The following FAM9C variants were observed in gnomAD, a reference collection of about 807,000 sequenced individuals.
FAM9C encodes protein FAM9C.
A neutral mutation model predicts 14.8 loss-of-function variants in FAM9C; 15 were observed. That is an observed-to-expected ratio of 1.02 (90% CI 0.68 to 1.56). FAM9C has a LOEUF of 1.56. Among genes scored for constraint, FAM9C ranks in the 40% most tolerant of loss-of-function variants. FAM9C has a pLI of 0.00. For missense variants in FAM9C, 116 were observed against 118.0 expected (o/e 0.98, Z 0.08); for synonymous variants, 45 against 37.5 (o/e 1.20, Z -0.74).
intron 7 of FAM9C, 46 bp downstream of exon 7, chrX:13,038,370 G>A (rs753667930): frequency 2.1e-6 from 2 of 968,589 alleles, no homozygotes; most frequent in South Asian, 2.7e-5. Flanking sequence ...TTTTATGCAT[G>A]TGTTGTATTT....
At chrX:13,043,364 A>C in intron 2 of FAM9C, 116 bp from the exon 3 acceptor site, 1 of 969,974 alleles carries the variant, frequency 1.0e-6, no homozygotes, top group Non-Finnish European at 1.4e-6. Flanking sequence ...TTAAAGCTTT[A>C]CCGCAGAGCT....
At chrX:13,036,816 A>T (rs1602490816) in intron 7 of FAM9C, 1 of 112,417 alleles carries the variant, frequency 8.9e-6, no homozygotes, top group South Asian at 3.7e-4. Flanking sequence ...TAAAAAAAAT[A>T]ATACAAAACT....
chrX:13,039,658 C>T (rs192564350), intron 6 of FAM9C, 150 bp downstream of exon 6: 15 of 924,628 alleles, frequency 1.6e-5, no homozygotes, highest in Non-Finnish European at 2.0e-5. Context: ...TGCTGCATGG[C>T]AATTATATTC....
chrX:13,036,546 T>A (rs2147288933), intron 7 of FAM9C: 1 of 111,800 alleles, frequency 8.9e-6, no homozygotes, highest in African/African-American at 3.2e-5. Flanking sequence ...AAATACCATA[T>A]TTTTTCACCA....
At position 13,039,929 on chromosome X, in the gene FAM9C, A is replaced by G; in HGVS notation, c.330-13T>C. 1 of 1,172,213 alleles carries G rather than the reference A, an allele frequency of 8.5e-7. No homozygotes were observed. The highest frequency in any genetic ancestry group is 1.2e-6 in the Non-Finnish European group (1 of 868,589). On this transcript the variant is annotated splice_polypyrimidine_tract_variant and intron_variant, in intron 5 of 7. Transcript: ENST00000380625. ...ATCACGTTTCTGCCTGTAACACATA[A>G]TAAGTAACAAGGTCATACGTCATAG...
intron 7 of FAM9C, 67 bp from the exon 8 acceptor site, chrX:13,036,085 T>G (rs897948169): frequency 1.8e-5 from 2 of 112,554 alleles, no homozygotes; most frequent in African/African-American, 6.4e-5. Context: ...TTCCAGTGCT[T>G]ACATCAATCC....
At chrX:13,044,321 A>ACCCG (rs1555915130) in intron 1 of FAM9C, among the ~76,000 whole-genome samples, 2 of 76,856 alleles carry the variant, frequency 2.6e-5, no homozygotes, top group African/African-American at 1.0e-4. Flanking sequence ...TGACCCCCCG[A>ACCCG]CCCCCCCCCA....
chrX:13,039,503 C>T (rs2043507527), intron 6 of FAM9C, among the ~76,000 whole-genome samples: 1 of 111,738 alleles, frequency 8.9e-6, no homozygotes, highest in Admixed American at 9.5e-5. Flanking sequence ...CCTCTATGCC[C>T]TGTCCAACTC....
At chrX:13,041,905 C>T (rs1012352854) in intron 4 of FAM9C, 1 of 112,044 alleles carries the variant, frequency 8.9e-6, no homozygotes, top group African/African-American at 3.2e-5. Flanking sequence ...CACCATAATA[C>T]AAATTTTTTT....
rs776687707 is a variant in FAM9C at position 13,040,852 on chromosome X, C to G, written c.235G>C (p.Ala79Pro). The change falls in exon 5 of 8, where the codon GCT becomes CCT. Residue 79 changes from alanine (A) to proline (P), a missense_variant. By Grantham distance (27) the Ala-to-Pro change is conservative (BLOSUM62 -1). Transcript: ENST00000380625. ...TTTTCAATCCTTTTTCTCTTTGCAG[C>G]AAGATGCTCTTTAATGTCAGCTAGA... ...DIAADIKEHLAAKRKRIEKIA... is the reference protein window; with the variant it reads ...DIAADIKEHLPAKRKRIEKIA... 29 of 1,178,292 alleles carry G rather than the reference C, an allele frequency of 2.5e-5. No homozygotes were observed. Among genetic ancestry groups the G allele is most frequent in the Non-Finnish European group, 3.3e-5 (29 of 878,393 alleles).
chrX:13,042,650 C>A, intron 4 of FAM9C: 1 of 394,064 alleles, frequency 2.5e-6, no homozygotes, highest in South Asian at 3.9e-5. Flanking sequence ...CTCCAATGTC[C>A]TCTAATATCC....
intron 7 of FAM9C, chrX:13,037,339 T>C (rs1242081175): frequency 5.3e-5 from 6 of 112,428 alleles, no homozygotes; most frequent in Non-Finnish European, 3.8e-5. Context: ...ACTTGCCTCA[T>C]GAAAACTGTA....
intron 1 of FAM9C, among the ~76,000 whole-genome samples, chrX:13,044,097 G>C (rs1293376720): frequency 8.9e-6 from 1 of 112,119 alleles, no homozygotes; most frequent in African/African-American, 3.2e-5. Context: ...GACAGAGCCT[G>C]GCCCTGCCCC....
chrX:13,043,817 C>A lies in FAM9C; in HGVS notation c.-28G>T. The A allele has an allele frequency of 8.3e-7, 1 of 1,205,478 alleles. No homozygotes were observed. The highest frequency in any genetic ancestry group is 1.1e-6 in the Non-Finnish European group (1 of 889,687). On this transcript the variant is annotated 5_prime_UTR_variant, in exon 2 of 8. Coordinates refer to ENST00000380625, the MANE Select transcript of FAM9C (RefSeq NM_174901.6). ...TGCTGCCCTTCCTGCCCACGGGCTCCGTGGCTGACTGGCCTGGGAAGCTAG... is the reference window on the plus strand; with the variant it reads ...TGCTGCCCTTCCTGCCCACGGGCTCAGTGGCTGACTGGCCTGGGAAGCTAG...
chrX:13,042,466 C>T (rs1244151295), intron 4 of FAM9C: 5 of 127,852 alleles, frequency 3.9e-5, no homozygotes, highest in Non-Finnish European at 7.8e-5. Flanking sequence ...CCATCAGGTA[C>T]GATGCTTATA....
intron 4 of FAM9C, chrX:13,041,126 GT>G (rs1340806223): frequency 1.1e-5 from 2 of 181,624 alleles, no homozygotes; most frequent in Non-Finnish European, 2.0e-5. Context: ...ATAATTAAAA[GT>G]TTCTATTTTT....
intron 1 of FAM9C, 110 bp from the exon 2 acceptor site, chrX:13,043,967 G>A: frequency 2.2e-6 from 1 of 457,806 alleles, no homozygotes; most frequent in South Asian, 3.1e-5. Context: ...GGGAGCAGGA[G>A]GGGACGCGGA....
chrX:13,043,320 G>A lies in FAM9C; in HGVS notation c.62-72C>T, dbSNP rs918200803. The A allele has an allele frequency of 8.9e-6, 10 of 1,119,495 alleles. No individual in the cohort carries two copies. The African/African-American group carries it at 1.7e-4, about 19-fold the overall frequency. The allele number at this position is 1,119,495 out of a possible 1,213,427, so 92.3% of individuals were successfully genotyped here. A position where few individuals can be genotyped will look rare whatever the true frequency, so the allele number is the denominator to read the frequency against. Reference sequence around the variant, plus strand: ...TTGTGGACATTTTTCATAGAGAAACGTACTATTTGTAGACTTTTTTGGCTC... The same window carrying A: ...TTGTGGACATTTTTCATAGAGAAACATACTATTTGTAGACTTTTTTGGCTC... On this transcript the variant is annotated intron_variant, in intron 2 of 7. Transcript: ENST00000380625.
rs2043543258 is a variant in FAM9C, at chrX:13,043,233, C to T, written c.77G>A (p.Ser26Asn). 1 of 1,203,337 alleles carries T rather than the reference C, an allele frequency of 8.3e-7. No homozygotes were observed. The highest frequency in any genetic ancestry group is 1.8e-5 in the South Asian group (1 of 54,892). Residue 26 changes from serine to asparagine, a missense_variant, in exon 3 of 8, where the codon AGT (serine) becomes AAT (asparagine). Transcript: ENST00000380625. ...EMELAGKDPV[S>N]HEHEERKPVT... ...AGGTTTTCTTTCCTCATGCTCATGA[C>T]TTACTGGATCCTTTCCTGCATTAAA...
Sources: gnomAD v4.1 joint callset for allele counts (sites outside exome capture counted in the v4.1 genomes callset) on GRCh38, gnomAD v4.1.1 for gene constraint, MANE v1.5 for transcripts, NCBI Gene and HGNC (gene_info 2026-07-23, HGNC 2026-07-21) for gene names.